Variants in CCDC88B observed in about 807,000 individuals in gnomAD.
CCDC88B encodes the protein coiled-coil domain-containing protein 88B.
A neutral mutation model predicts 183.7 loss-of-function variants in CCDC88B; 138 were observed. The ratio of observed to expected loss-of-function variants is 0.75; its 90% CI spans 0.65 to 0.87. CCDC88B has a LOEUF of 0.87. Among genes scored for constraint, CCDC88B ranks in the 40% least tolerant of loss-of-function variants. The probability of loss-of-function intolerance (pLI) is 0.00; values close to 1 mark genes in which losing one functional copy is unlikely to be tolerated. For synonymous variants in CCDC88B, 835 were observed against 867.5 expected (o/e 0.96, Z 0.66); for missense variants, 1,822 against 1,965.6 (o/e 0.93, Z 1.38).
intron 24 of CCDC88B, 82 bp downstream of exon 24, chr11:64,354,252 G>A (rs2036456607): frequency 8.3e-7 from 1 of 1,199,470 alleles, no homozygotes; most frequent in Non-Finnish European, 1.1e-6. Context: ...TCACTGCCTG[G>A]CCTGCATGCG....
intron 14 of CCDC88B, 33 bp from the exon 15 acceptor site, chr11:64,349,298 C>G (rs1163626455): frequency 1.3e-5 from 20 of 1,553,646 alleles, no homozygotes; most frequent in Non-Finnish European, 1.7e-5. Context: ...GTCTCCTGCC[C>G]CCTTGCCCTG....
At chr11:64,347,652 C>T (rs1231048902) in intron 14 of CCDC88B, among the ~76,000 whole-genome samples, 1 of 152,138 alleles carries the variant, frequency 6.6e-6, no homozygotes, top group Non-Finnish European at 1.5e-5. Flanking sequence ...GGCTGAGATG[C>T]TGTCTAGCCG....
At chr11:64,351,040 T>C in intron 16 of CCDC88B, 120 bp from the exon 17 acceptor site, 1 of 610,188 alleles carries the variant, frequency 1.6e-6, no homozygotes, top group Non-Finnish European at 2.7e-6. Context: ...GGCATGGGAT[T>C]GGGGCGGGGT....
At chr11:64,349,933 T>G in intron 16 of CCDC88B, 2 of 524,404 alleles carry the variant, frequency 3.8e-6, no homozygotes, top group East Asian at 3.2e-5. Flanking sequence ...TCACCCGAGG[T>G]CCTCCACTGC....
At chr11:64,351,382 T>C in intron 17 of CCDC88B, 94 bp from the exon 18 acceptor site, 1 of 1,510,404 alleles carries the variant, frequency 6.6e-7, no homozygotes, top group Non-Finnish European at 8.9e-7. Context: ...GGCCCGGGGG[T>C]GGGGGTGCCC....
At chr11:64,345,223 A>G in intron 14 of CCDC88B, 66 bp downstream of exon 14, 1 of 1,491,820 alleles carries the variant, frequency 6.7e-7, no homozygotes, top group Non-Finnish European at 9.0e-7. Flanking sequence ...GGAGTTACTG[A>G]TTCCATCAGC....
chr11:64,354,069 C>T lies in CCDC88B; in HGVS notation c.3998C>T (p.Pro1333Leu). 2 of 1,443,470 alleles carry T rather than the reference C, an allele frequency of 1.4e-6. No individual in the cohort carries two copies. The highest frequency in any genetic ancestry group is 1.8e-6 in the Non-Finnish European group (2 of 1,093,260). 89.4% of individuals were successfully genotyped at this position (1,443,470 alleles called of 1,614,324 possible). Residue 1333 changes from proline to leucine, a missense_variant, in exon 24 of 27, where the codon CCT (proline) becomes CTT (leucine). Coordinates refer to ENST00000356786, the MANE Select transcript of CCDC88B (RefSeq NM_032251.6). ...CGGCCCCGGCGGGAGGGGGGCCCCC[C>T]TGGGGGGCTGCGCCTGGGGGCCGAT... Reference protein sequence around the residue: ...LMRPRREGGPPGGLRLGADGA... With the variant: ...LMRPRREGGPLGGLRLGADGA...
chr11:64,340,563 G>C (rs1179394223), intron 1 of CCDC88B, 44 bp from the exon 2 acceptor site: 1 of 1,586,650 alleles, frequency 6.3e-7, no homozygotes, highest in African/African-American at 1.3e-5. Context: ...GAGGGGCTCA[G>C]GGTTCACTCT....
Position 64,340,693 on chromosome 11 carries a change from G to A in CCDC88B, c.147G>A (p.Leu49=), listed in dbSNP as rs1480556022. The change falls in exon 2 of 27, where the codon TTG becomes TTA. Residue 49 remains leucine (L), a synonymous_variant. Transcript: ENST00000356786. ...AGGAGGAAGAGCCGCCCCTTTGGTT[G>A]GAGAAGAGATTCCTGCGCCTCAGCG... is the stretch of plus-strand genomic sequence containing the variant. ...EEEEEEPPLW[L]EKRFLRLSDG... The A allele has an allele frequency of 1.2e-6, 2 of 1,612,756 alleles. No homozygotes were observed. Among genetic ancestry groups the A allele is most frequent in the African/African-American group, 2.7e-5 (2 of 75,016 alleles).
In CCDC88B at chr11:64,341,594, C is replaced by T. The variant is rs200216096; in HGVS notation, c.532-5C>T. Reference sequence around the variant, plus strand: ...TTCCACTGAACTGCTCTTCCTGCGCCCCAGGTGACCCAGCCGGGGGCCGGC... The same window carrying T: ...TTCCACTGAACTGCTCTTCCTGCGCTCCAGGTGACCCAGCCGGGGGCCGGC... On this transcript the variant is annotated splice_polypyrimidine_tract_variant and splice_region_variant and intron_variant, in intron 6 of 26. Coordinates refer to ENST00000356786, the MANE Select transcript of CCDC88B (RefSeq NM_032251.6). 63 of 1,601,406 alleles carry T rather than the reference C, an allele frequency of 3.9e-5. 2 individuals carry two copies. The Admixed American group carries it at 8.6e-4, about 22-fold the overall frequency.
chr11:64,350,730 C>T lies in CCDC88B; in HGVS notation c.2863-430C>T, dbSNP rs570566301. ...AAAAAAACCCTAAAAATTAGCCAGG[C>T]GTGGTGGCCCACATCTGTAATCCCA... On this transcript the variant is annotated intron_variant, in intron 16 of 26. Transcript: ENST00000356786. 1.2e-4 allele frequency: 19 copies of T among 154,290 alleles called. No individual in the cohort carries two copies. In the East Asian group the frequency reaches 2.1e-3, roughly 17 times the overall value. 9.6% of individuals were successfully genotyped at this position (154,290 alleles called of 1,614,324 possible). A position where few individuals can be genotyped will look rare whatever the true frequency, so the allele number is the denominator to read the frequency against.
rs780214583 is a variant in CCDC88B, at chr11:64,344,847, TG to T, written c.2308del (p.Ala770ProfsTer169). The T allele has an allele frequency of 6.2e-7, 1 of 1,611,662 alleles. No individual in the cohort carries two copies. The highest frequency in any genetic ancestry group is 8.5e-7 in the Non-Finnish European group (1 of 1,179,104). On this transcript the variant is annotated frameshift_variant, in exon 14 of 27. Coordinates refer to ENST00000356786, the MANE Select transcript of CCDC88B (RefSeq NM_032251.6). LOFTEE classifies it high-confidence loss of function. The surrounding 1 kb of genome is among the most constrained non-coding windows in gnomAD (Gnocchi z 4.5). ...GAGGCTGCCCGCCTCTCCAAGGAGC[TG>T]GCCCAAGCGCGAAGGGCAGAGGCCG... Reference protein sequence around the residue: ...NTEAARLSKELAQARRAEAEA... With the variant: ...NTEAARLSKEXAQARRAEAEA...
intron 14 of CCDC88B, among the ~76,000 whole-genome samples, chr11:64,347,661 C>T (rs571852802): frequency 5.9e-5 from 9 of 152,254 alleles, no homozygotes; most frequent in African/African-American, 9.6e-5. Context: ...GCTGTCTAGC[C>T]GGGCGACCTG....
At chr11:64,340,541 T>C in intron 1 of CCDC88B, 66 bp from the exon 2 acceptor site, 1 of 1,554,960 alleles carries the variant, frequency 6.4e-7, no homozygotes, top group Non-Finnish European at 8.6e-7. Flanking sequence ...TTGGGCTCAC[T>C]GGGGCAGGTC....
At position 64,355,612 on chromosome 11, in the gene CCDC88B, A is replaced by T; in HGVS notation, c.4359A>T (p.Thr1453=). ...CTGAGACCCTGCAGGAACACGAAAC[A>T]GATGCCAACCGAGAGGGTGAGTGGG... ...NSAETLQEHE[T]DANREGPEVQ... Residue 1453 remains threonine (T), a synonymous_variant, in exon 26 of 27, where the codon ACA becomes ACT. Transcript: ENST00000356786. 6.2e-7 allele frequency: 1 copy of T among 1,611,678 alleles called. No homozygotes were observed. The highest frequency in any genetic ancestry group is 1.3e-5 in the African/African-American group (1 of 74,896).
rs1198081256 is a variant in CCDC88B, at chr11:64,353,221, G to A, written c.3668G>A (p.Arg1223Gln). 19 of 1,565,368 alleles carry A rather than the reference G, an allele frequency of 1.2e-5. No homozygotes were observed. Among genetic ancestry groups the A allele is most frequent in the East Asian group, 2.3e-5 (1 of 43,244 alleles). ...SNQQLDLSAC[R>Q]LTTQCELLTQ... ...CAGCAGCTGGACCTGAGCGCCTGCC[G>A]GCTGACCACGCAGTGTGAGGTGTGG... The change falls in exon 21 of 27, where the codon CGG becomes CAG. Residue 1223 changes from arginine (R) to glutamine (Q), a missense_variant. Physicochemically the swap from Arg to Gln is conservative, Grantham distance 43. Transcript: ENST00000356786.
rs1320045483 is a variant in CCDC88B, at chr11:64,340,215, C to T, written c.-52C>T. 2 of 1,169,806 alleles carry T rather than the reference C, an allele frequency of 1.7e-6. No homozygotes were observed. Among genetic ancestry groups the T allele is most frequent in the Non-Finnish European group, 2.2e-6 (2 of 909,478 alleles). 72.5% of individuals were successfully genotyped at this position (1,169,806 alleles called of 1,614,324 possible). On this transcript the variant is annotated 5_prime_UTR_variant, in exon 1 of 27. Transcript: ENST00000356786. ...ATCCCCCACTCGGGGACTTCCTCTT[C>T]CTCTCAGGGCAGGTGCAGCTGCCAC...
chr11:64,353,549 C>G (rs1199089385), intron 22 of CCDC88B, 53 bp downstream of exon 22: 4 of 1,591,640 alleles, frequency 2.5e-6, no homozygotes, highest in African/African-American at 2.7e-5. Context: ...TTGGGCGTTC[C>G]TGGGGAGAGC....
intron 20 of CCDC88B, 82 bp from the exon 21 acceptor site, chr11:64,352,972 C>G: frequency 6.7e-7 from 1 of 1,502,118 alleles, no homozygotes; most frequent in Non-Finnish European, 8.9e-7. Context: ...GTCTGGCCTC[C>G]CCTCCCCGGC....
Sources: allele counts gnomAD v4.1 joint callset (sites outside exome capture counted in the v4.1 genomes callset), GRCh38; gene constraint gnomAD v4.1.1; non-coding constraint Gnocchi (gnomAD v3.1); transcripts MANE v1.5; gene names NCBI Gene and HGNC (gene_info 2026-07-23, HGNC 2026-07-21).